The following ACTR3C variants were observed in gnomAD, a reference collection of about 807,000 sequenced individuals.
ACTR3C encodes actin related protein 3C, also known as actin-related protein 3C.
In ACTR3C, 18 loss-of-function variants were observed where a neutral mutation model predicts 26.3. The observed-to-expected ratio is 0.68, with a 90% confidence interval of 0.47 to 1.01. The LOEUF is 1.01. Among genes scored for constraint, ACTR3C ranks in the 50% least tolerant of loss-of-function variants. ACTR3C has a pLI of 0.00. For synonymous variants in ACTR3C, 55 were observed against 94.5 expected (o/e 0.58, Z 2.42); for missense variants, 184 against 250.7 (o/e 0.73, Z 1.80).
chr7:150,100,889 G>C, the ACTR3C span, among the ~76,000 whole-genome samples: 1 of 151,400 alleles, frequency 6.6e-6, no homozygotes, highest in Non-Finnish European at 1.5e-5. Flanking sequence ...ATTTCTAGTA[G>C]AGACAGCATC....
chr7:150,018,049 C>T, the ACTR3C span, among the ~76,000 whole-genome samples: 1 of 150,216 alleles, frequency 6.7e-6, no homozygotes, highest in Non-Finnish European at 1.5e-5. Flanking sequence ...GGCATCTACC[C>T]TCAAAACAGC....
the ACTR3C span, among the ~76,000 whole-genome samples, chr7:149,956,982 C>A: frequency 6.6e-6 from 1 of 152,140 alleles, no homozygotes; most frequent in Non-Finnish European, 1.5e-5. Flanking sequence ...TTCCCAAGGG[C>A]AATGCCATTA....
chr7:150,318,364 T>C (rs1226918188), intron 1 of ACTR3C, among the ~76,000 whole-genome samples: 1 of 152,204 alleles, frequency 6.6e-6, no homozygotes, highest in Non-Finnish European at 1.5e-5. Context: ...TTCAGACTTC[T>C]ACCCTCCAGA....
At chr7:150,019,390 G>A in the ACTR3C span, among the ~76,000 whole-genome samples, 4 of 149,440 alleles carry the variant, frequency 2.7e-5, no homozygotes, top group Admixed American at 6.6e-5. Context: ...TCAAGAGATC[G>A]AGACCATCCT....
chr7:150,158,601 T>C, the ACTR3C span, among the ~76,000 whole-genome samples: 2 of 152,226 alleles, frequency 1.3e-5, no homozygotes, highest in Non-Finnish European at 2.9e-5. Context: ...CTGCATGATC[T>C]TACTTGTGAA....
the ACTR3C span, among the ~76,000 whole-genome samples, chr7:150,039,872 G>T: frequency 2.3e-5 from 3 of 131,316 alleles, no homozygotes; most frequent in East Asian, 2.6e-4. Context: ...GGGAAGAGGG[G>T]CTCGCTCTCA....
At chr7:150,111,868 C>A in the ACTR3C span, among the ~76,000 whole-genome samples, 5 of 148,892 alleles carry the variant, frequency 3.4e-5, no homozygotes, top group Non-Finnish European at 1.5e-5. Flanking sequence ...TAATGACCTG[C>A]GAAGCCCCCT....
the ACTR3C span, among the ~76,000 whole-genome samples, chr7:150,212,234 G>A: frequency 6.8e-6 from 1 of 146,964 alleles, no homozygotes; most frequent in South Asian, 2.1e-4. Flanking sequence ...GAGGTACAAG[G>A]TGTAAGATAA....
chr7:150,010,854 G>A, the ACTR3C span, among the ~76,000 whole-genome samples: 1 of 146,856 alleles, frequency 6.8e-6, no homozygotes, highest in East Asian at 2.0e-4. Flanking sequence ...GTGTCTGAGG[G>A]GTTGGTCCAA....
At chr7:150,219,319 G>C in the ACTR3C span, among the ~76,000 whole-genome samples, 2 of 146,704 alleles carry the variant, frequency 1.4e-5, no homozygotes, top group Admixed American at 6.6e-5. Flanking sequence ...AAAATAAGAT[G>C]ACAGAGTAAA....
chr7:150,313,432 TATG>T (rs1312962685), intron 1 of ACTR3C, among the ~76,000 whole-genome samples: 2 of 152,210 alleles, frequency 1.3e-5, no homozygotes, highest in African/African-American at 4.8e-5. Context: ...ATGTCTGGGT[TATG>T]ATGATAAGGG....
intron 6 of ACTR3C, among the ~76,000 whole-genome samples, chr7:150,277,217 G>A (rs1055932462): frequency 6.6e-6 from 1 of 152,182 alleles, no homozygotes; most frequent in Admixed American, 6.5e-5. Context: ...GTGGCCAGGT[G>A]TGGTGGCTCA....
chr7:150,039,603 G>A, the ACTR3C span, among the ~76,000 whole-genome samples: 12 of 142,222 alleles, frequency 8.4e-5, no homozygotes, highest in South Asian at 2.3e-4. Context: ...ACCTGCCGTC[G>A]GAAGATTTGA....
the ACTR3C span, among the ~76,000 whole-genome samples, chr7:150,039,727 C>A: frequency 7.3e-6 from 1 of 136,920 alleles, no homozygotes; most frequent in Non-Finnish European, 1.6e-5. Flanking sequence ...TCTCAGTCCC[C>A]ACCCTCGCGG....
chr7:149,999,918 A>G, the ACTR3C span, among the ~76,000 whole-genome samples: 1 of 152,126 alleles, frequency 6.6e-6, no homozygotes, highest in East Asian at 1.9e-4. Flanking sequence ...AATCACGTTG[A>G]CCTTTGCTGT....
At chr7:150,209,216 G>C in the ACTR3C span, among the ~76,000 whole-genome samples, 2 of 148,488 alleles carry the variant, frequency 1.3e-5, no homozygotes, top group East Asian at 1.9e-4. Flanking sequence ...CAGAGAGAGA[G>C]AGAGAGAGAG....
the ACTR3C span, among the ~76,000 whole-genome samples, chr7:150,033,926 C>T: frequency 1.3e-5 from 2 of 149,772 alleles, no homozygotes; most frequent in East Asian, 2.0e-4. Context: ...AGGGGTGCCT[C>T]CCCCCCTGCG....
chr7:149,973,804 G>T, the ACTR3C span, among the ~76,000 whole-genome samples: 1 of 149,842 alleles, frequency 6.7e-6, no homozygotes, highest in East Asian at 1.9e-4. Flanking sequence ...TGATTTTTCG[G>T]ACAGAAAAAC....
chr7:150,198,930 T>C, the ACTR3C span, among the ~76,000 whole-genome samples: 2 of 76,544 alleles, frequency 2.6e-5, no homozygotes, highest in South Asian at 4.9e-4. Flanking sequence ...GGGAGGGAGG[T>C]GGGGGGGTCA....
Sources: gnomAD v4.1 joint callset for allele counts (sites outside exome capture counted in the v4.1 genomes callset) on GRCh38, gnomAD v4.1.1 for gene constraint, MANE v1.5 for transcripts, NCBI Gene and HGNC (gene_info 2026-07-23, HGNC 2026-07-21) for gene names.